Variants in PARD6G observed in about 807,000 individuals in gnomAD.
The protein encoded by PARD6G is partitioning defective 6 homolog gamma.
In PARD6G, 7 loss-of-function variants were observed where a neutral mutation model predicts 10.7. The ratio of observed to expected loss-of-function variants is 0.66; its 90% CI spans 0.37 to 1.23. The LOEUF (loss-of-function observed/expected upper bound fraction) is 1.23, where lower values mean the gene tolerates loss of function less well. Among genes scored for constraint, PARD6G ranks in the 50% most tolerant of loss-of-function variants. The pLI is 0.02. For missense variants in PARD6G, 548 were observed against 571.8 expected (o/e 0.96, Z 0.42); for synonymous variants, 287 against 269.4 (o/e 1.07, Z -0.64).
At chr18:80,187,247 T>C (rs781360976) in intron 2 of PARD6G, among the ~76,000 whole-genome samples, 17 of 152,232 alleles carry the variant, frequency 1.1e-4, no homozygotes, top group Non-Finnish European at 2.1e-4. Flanking sequence ...TCTGCCTGGC[T>C]GAGGGGATGG....
At chr18:80,210,635 AT>A (rs1967097835) in intron 1 of PARD6G, among the ~76,000 whole-genome samples, 1 of 152,298 alleles carries the variant, frequency 6.6e-6, no homozygotes, top group South Asian at 2.1e-4. Context: ...TAAAGCTAAT[AT>A]GATCAAAGTT....
Position 80,246,486 on chromosome 18 carries a change from G to C in PARD6G, c.72+791C>G, listed in dbSNP as rs1380946513. 2.0e-5 allele frequency among the ~76,000 whole-genome samples: 3 copies of C among 152,122 alleles called. No homozygotes were observed. Among genetic ancestry groups the C allele is most frequent in the Non-Finnish European group, 4.4e-5 (3 of 67,986 alleles). ...AGCGGGAGGGGCCGGGCACGCCCGT[G>C]GGGGTGGTCTGGGTACGGGTCTGAT... On this transcript the variant is annotated intron_variant, in intron 1 of 2. Transcript: ENST00000353265. The surrounding 1 kb of genome is among the most constrained non-coding windows in gnomAD (Gnocchi z 6.7).
chr18:80,205,184 A>G (rs1967043922), intron 1 of PARD6G, among the ~76,000 whole-genome samples: 1 of 151,948 alleles, frequency 6.6e-6, no homozygotes, highest in South Asian at 2.1e-4. Context: ...AACCCTTGAA[A>G]TCTCTCCCCG....
At position 80,201,922 on chromosome 18, in the gene PARD6G, C is replaced by T. The variant is rs1967011364; in HGVS notation, c.295+788G>A. On this transcript the variant is annotated intron_variant, in intron 2 of 2. Coordinates refer to ENST00000353265, the MANE Select transcript of PARD6G (RefSeq NM_032510.4). This position sits in a 1 kb window ranked among gnomAD's most constrained non-coding sequence, Gnocchi z 5.9. The stretch of plus-strand genomic sequence containing the variant: ...CTCCTAGCTGTCCCAGAGACTCTGG[C>T]AGCAGATCCATGAGGGCAGACAGGG... 6.6e-6 allele frequency: 1 copy of T among 152,276 alleles called. No individual in the cohort carries two copies. Among genetic ancestry groups the T allele is most frequent in the African/African-American group, 2.4e-5 (1 of 41,448 alleles). 9.4% of individuals were successfully genotyped at this position (152,276 alleles called of 1,614,324 possible).
chr18:80,237,365 G>C (rs1967436041), intron 1 of PARD6G, among the ~76,000 whole-genome samples: 1 of 152,166 alleles, frequency 6.6e-6, no homozygotes, highest in African/African-American at 2.4e-5. Flanking sequence ...ATGGATTAAA[G>C]ACTTAAATGT....
intron 2 of PARD6G, among the ~76,000 whole-genome samples, chr18:80,191,440 A>G (rs868356348): frequency 2.0e-4 from 31 of 152,180 alleles, no homozygotes; most frequent in African/African-American, 7.2e-4. Flanking sequence ...GGATGGAGTC[A>G]TTACTCAAAA....
intron 1 of PARD6G, among the ~76,000 whole-genome samples, chr18:80,225,377 C>T (rs1967279535): frequency 6.6e-6 from 1 of 152,134 alleles, no homozygotes; most frequent in African/African-American, 2.4e-5. Flanking sequence ...AGGCCCATTG[C>T]CATGTTAAAG....
chr18:80,235,029 C>A (rs1967403597), intron 1 of PARD6G, among the ~76,000 whole-genome samples: 1 of 152,170 alleles, frequency 6.6e-6, no homozygotes, highest in African/African-American at 2.4e-5. Flanking sequence ...CTACAGAACT[C>A]TCCACCCCAA....
rs1966998151 is a variant in PARD6G at position 80,200,477 on chromosome 18, C to A, written c.295+2233G>T. ...CCAGAGACAGGCACTACCACCCGTG[C>A]CACAGATGAGGACGGTAGAGCTCTG... On this transcript the variant is annotated intron_variant, in intron 2 of 2. Coordinates refer to ENST00000353265, the MANE Select transcript of PARD6G (RefSeq NM_032510.4). This position sits in a 1 kb window ranked among gnomAD's most constrained non-coding sequence, Gnocchi z 4.4. 6.6e-6 allele frequency among the ~76,000 whole-genome samples: 1 copy of A among 152,160 alleles called. No individual in the cohort carries two copies. The highest frequency in any genetic ancestry group is 2.1e-4 in the South Asian group (1 of 4,828).
Position 80,160,277 on chromosome 18 carries a change from G to C in PARD6G, c.625C>G (p.Leu209Val), listed in dbSNP as rs528492127. The C allele has an allele frequency of 1.9e-6, 3 of 1,612,592 alleles. No individual in the cohort carries two copies. In the East Asian group the frequency reaches 6.7e-5, roughly 36 times the overall value. Residue 209 changes from leucine (L) to valine (V), a missense_variant, in exon 3 of 3, where the codon CTG becomes GTG. Around this residue, in one of 2 missense-constraint regions of PARD6G, gnomAD observed 313 missense variants for 279.9 expected, o/e 1.12. Transcript: ENST00000353265. ...AGGACCTCGTCATTCACAGCCAGCA[G>C]CCCGGTGCTCTCCGCCAGGCCCCCG... ...VPGGLAESTG[L>V]LAVNDEVLEV...
In PARD6G at chr18:80,247,384, C is replaced by T. The variant is rs762246465; in HGVS notation, c.-36G>A. 3.3e-5 allele frequency: 50 copies of T among 1,518,566 alleles called. No homozygotes were observed. The highest frequency in any genetic ancestry group is 4.0e-5 in the Non-Finnish European group (45 of 1,125,638). The allele number at this position is 1,518,566 out of a possible 1,614,324, so 94.1% of individuals were successfully genotyped here. A position where few individuals can be genotyped will look rare whatever the true frequency, so the allele number is the denominator to read the frequency against. On this transcript the variant is annotated 5_prime_UTR_variant, in exon 1 of 3. Transcript: ENST00000353265. The surrounding 1 kb of genome is among the most constrained non-coding windows in gnomAD (Gnocchi z 4.2). Reference sequence around the variant, plus strand: ...CCGGTCAGCCTCGCCGTCGCCCTCGCTCCTCAGGGGCCGCAGAAAGACTCC... The same window carrying T: ...CCGGTCAGCCTCGCCGTCGCCCTCGTTCCTCAGGGGCCGCAGAAAGACTCC...
chr18:80,238,175 G>A (rs138367367), intron 1 of PARD6G, among the ~76,000 whole-genome samples: 3,688 of 152,248 alleles, frequency 0.024, 149 homozygotes, highest in African/African-American at 0.084. Flanking sequence ...AAAATGATGA[G>A]TTCGTGTCCT....
chr18:80,200,063 C>T lies in PARD6G; in HGVS notation c.295+2647G>A, dbSNP rs529669284. ...TCTTAACATATATTTAAATAAAATA[C>T]GTCCGTGTACAGAAAGTTATTAAGT... is the stretch of plus-strand genomic sequence containing the variant. On this transcript the variant is annotated intron_variant, in intron 2 of 2. Coordinates refer to ENST00000353265, the MANE Select transcript of PARD6G (RefSeq NM_032510.4). This position sits in a 1 kb window ranked among gnomAD's most constrained non-coding sequence, Gnocchi z 4.4. Among the ~76,000 whole-genome samples the T allele has an allele frequency of 1.2e-4, 19 of 152,242 alleles. No individual in the cohort carries two copies. The South Asian group carries it at 1.9e-3, about 15-fold the overall frequency.
rs1967559557 is a variant in PARD6G, at chr18:80,247,031, C to G, written c.72+246G>C. Among the ~76,000 whole-genome samples the G allele has an allele frequency of 6.6e-6, 1 of 152,156 alleles. No homozygotes were observed. The highest frequency in any genetic ancestry group is 6.5e-5 in the Admixed American group (1 of 15,290). ...CCCGCGGAGCGGGTCCAGAGTCTGC[C>G]CGGACTGTCCGATGGCCCTCGGCCC... On this transcript the variant is annotated intron_variant, in intron 1 of 2. Transcript: ENST00000353265. The surrounding 1 kb of genome is among the most constrained non-coding windows in gnomAD (Gnocchi z 4.2).
At position 80,247,505 on chromosome 18, in the gene PARD6G, C is replaced by T. The variant is rs916270949; in HGVS notation, c.-157G>A. ...TGCTGCGGGCCCGAGCTGGGCTGGC[C>T]GCGCGCCTCAGGGACTCCAGGGGCC... On this transcript the variant is annotated 5_prime_UTR_variant, in exon 1 of 3. Transcript: ENST00000353265. This position sits in a 1 kb window ranked among gnomAD's most constrained non-coding sequence, Gnocchi z 4.2. The T allele has an allele frequency of 6.9e-5, 17 of 244,992 alleles. No homozygotes were observed. The highest frequency in any genetic ancestry group is 3.3e-4 in the African/African-American group (14 of 42,326). 15.2% of individuals were successfully genotyped at this position (244,992 alleles called of 1,614,324 possible).
At chr18:80,230,703 G>A (rs527805678) in intron 1 of PARD6G, among the ~76,000 whole-genome samples, 3 of 152,328 alleles carry the variant, frequency 2.0e-5, no homozygotes, top group East Asian at 3.9e-4. Flanking sequence ...AATGCACCCA[G>A]CACTGCTAAA....
chr18:80,185,219 G>A (rs968155758), intron 2 of PARD6G, among the ~76,000 whole-genome samples: 1 of 152,142 alleles, frequency 6.6e-6, no homozygotes, highest in Non-Finnish European at 1.5e-5. Context: ...GCAGAATCTG[G>A]TGTGATGTGC....
chr18:80,197,393 C>T (rs971585774), intron 2 of PARD6G: 1 of 152,166 alleles, frequency 6.6e-6, no homozygotes, highest in African/African-American at 2.4e-5. Context: ...AAATACACCC[C>T]ATCGGGCAAA....
Position 80,228,940 on chromosome 18 carries a change from G to T in PARD6G, c.72+18337C>A, listed in dbSNP as rs1483270754. On this transcript the variant is annotated intron_variant, in intron 1 of 2. Transcript: ENST00000353265. The surrounding 1 kb of genome is among the most constrained non-coding windows in gnomAD (Gnocchi z 4.6). ...GATATGATGAAGCTAACAGAAGTGG[G>T]ACTTATTTTATTTTAGAAGACGGAG... Among the ~76,000 whole-genome samples, 1 of 152,142 alleles carries T rather than the reference G, an allele frequency of 6.6e-6. No individual in the cohort carries two copies. The highest frequency in any genetic ancestry group is 1.5e-5 in the Non-Finnish European group (1 of 68,028).
Sources: gnomAD v4.1 joint callset for allele counts (sites outside exome capture counted in the v4.1 genomes callset) on GRCh38, gnomAD v4.1.1 for gene constraint, gnomAD v4.1.1 regional missense constraint, Gnocchi (gnomAD v3.1) non-coding constraint, MANE v1.5 for transcripts, NCBI Gene and HGNC (gene_info 2026-07-23, HGNC 2026-07-21) for gene names.